Variants in BST1 observed in about 807,000 individuals in gnomAD.
BST1 encodes the protein bone marrow stromal cell antigen 1.
A neutral mutation model predicts 40.6 loss-of-function variants in BST1; 49 were observed. That is an observed-to-expected ratio of 1.21 (90% CI 0.96 to 1.53). The LOEUF (loss-of-function observed/expected upper bound fraction) is 1.53. BST1 is among the 40% of genes most tolerant of loss of function. The pLI is 0.00. For missense variants in BST1, 423 were observed against 395.9 expected (o/e 1.07, Z -0.58); for synonymous variants, 157 against 159.3 (o/e 0.99, Z 0.11).
chr4:15,719,172 C>CT (rs1720670627), intron 7 of BST1, among the ~76,000 whole-genome samples, 179 bp downstream of exon 7: 1 of 152,116 alleles, frequency 6.6e-6, no homozygotes, highest in African/African-American at 2.4e-5. Context: ...GCCCCACCCA[C>CT]TGCTGTCCAG....
the BST1 span, among the ~76,000 whole-genome samples, chr4:15,747,050 A>G: frequency 6.6e-6 from 1 of 152,100 alleles, no homozygotes; most frequent in Non-Finnish European, 1.5e-5. Flanking sequence ...GAGAATCACT[A>G]TGTTATATGC....
At chr4:15,712,121 A>G (rs1459769195) in intron 4 of BST1, among the ~76,000 whole-genome samples, 2 of 152,228 alleles carry the variant, frequency 1.3e-5, no homozygotes, top group African/African-American at 2.4e-5. Context: ...AATGTTAGCT[A>G]TACATGAGGG....
At chr4:15,733,772 G>A (rs1442561496), downstream of BST1, among the ~76,000 whole-genome samples, 5 of 152,146 alleles carry the variant, frequency 3.3e-5, no homozygotes, top group African/African-American at 9.7e-5. Context: ...TAAACCATCC[G>A]AAACCACCTC....
intron 1 of BST1, 102 bp from the exon 2 acceptor site, chr4:15,705,413 T>C: frequency 3.0e-6 from 4 of 1,326,344 alleles, no homozygotes; most frequent in Non-Finnish European, 2.1e-6. Flanking sequence ...CTGCAGTTAC[T>C]ATATGAAAAA....
At chr4:15,725,436 G>A (rs998071425) in intron 8 of BST1, among the ~76,000 whole-genome samples, 11 of 152,114 alleles carry the variant, frequency 7.2e-5, no homozygotes, top group African/African-American at 1.2e-4. Flanking sequence ...GGCATGCATC[G>A]TTTCTGAGTC....
chr4:15,752,569 G>A, the BST1 span, among the ~76,000 whole-genome samples: 2 of 151,910 alleles, frequency 1.3e-5, no homozygotes, highest in Non-Finnish European at 2.9e-5. Flanking sequence ...TGTATTTTTA[G>A]TAGAGACACG....
intron 6 of BST1, among the ~76,000 whole-genome samples, chr4:15,716,427 A>C (rs4326008): frequency 0.83 from 126,767 of 152,166 alleles, 53,131 homozygotes; most frequent in East Asian, 0.97. Context: ...CATGATGGAG[A>C]TTCAGAAGCA....
chr4:15,704,343 A>G (rs1268581749), intron 1 of BST1, among the ~76,000 whole-genome samples: 1 of 139,516 alleles, frequency 7.2e-6, no homozygotes, highest in Non-Finnish European at 1.5e-5. Flanking sequence ...TGTGTTCTAG[A>G]GATGATGGGT....
intron 2 of BST1, 108 bp from the exon 3 acceptor site, chr4:15,707,403 C>T (rs1719938068): frequency 7.9e-7 from 1 of 1,268,938 alleles, no homozygotes; most frequent in Non-Finnish European, 1.1e-6. Context: ...TGCAGCAGGT[C>T]AGAGTTGAAT....
chr4:15,718,832 A>G (rs891826770), intron 6 of BST1, 75 bp from the exon 7 acceptor site: 5 of 1,276,050 alleles, frequency 3.9e-6, no homozygotes, highest in Non-Finnish European at 4.4e-6. Context: ...AAAAGAAATT[A>G]TGTTTAACCC....
chr4:15,750,263 G>A, the BST1 span, among the ~76,000 whole-genome samples: 1 of 152,126 alleles, frequency 6.6e-6, no homozygotes, highest in South Asian at 2.1e-4. Context: ...GACCTCAGGT[G>A]ATTCACCAGC....
chr4:15,741,259 G>C (rs1404106458), downstream of BST1, among the ~76,000 whole-genome samples: 1 of 152,116 alleles, frequency 6.6e-6, no homozygotes, highest in African/African-American at 2.4e-5. Flanking sequence ...CAGCTAGAGT[G>C]GACAGGCCAG....
At chr4:15,706,433 G>A (rs1327967154) in intron 2 of BST1, among the ~76,000 whole-genome samples, 1 of 152,148 alleles carries the variant, frequency 6.6e-6, no homozygotes, top group Non-Finnish European at 1.5e-5. Context: ...CATTTAACGG[G>A]TCTTAAGATT....
the BST1 span, among the ~76,000 whole-genome samples, chr4:15,764,874 G>GTGTGTGTGTGTGTGTGTGTGTA: frequency 1.2e-5 from 1 of 82,314 alleles, no homozygotes; most frequent in Non-Finnish European, 2.7e-5. Flanking sequence ...ATTAGGTGAG[G>GTGTGTGTGTGTGTGTGTGTGTA]TGTGTGTGTG....
At chr4:15,733,926 C>T (rs908115397), downstream of BST1, among the ~76,000 whole-genome samples, 11 of 152,100 alleles carry the variant, frequency 7.2e-5, no homozygotes, top group African/African-American at 2.4e-4. Flanking sequence ...GAGTATCATT[C>T]AACAAGTAAA....
chr4:15,724,683 T>C (rs957250225), intron 8 of BST1, among the ~76,000 whole-genome samples: 4 of 149,904 alleles, frequency 2.7e-5, no homozygotes, highest in African/African-American at 7.5e-5. Context: ...TGAAACTCCA[T>C]CTCAAAAAAT....
chr4:15,707,405 G>T, intron 2 of BST1, 106 bp from the exon 3 acceptor site: 2 of 1,292,914 alleles, frequency 1.5e-6, no homozygotes, highest in South Asian at 2.4e-5. Context: ...CAGCAGGTCA[G>T]AGTTGAATGA....
chr4:15,761,515 G>C, the BST1 span, among the ~76,000 whole-genome samples: 1 of 151,992 alleles, frequency 6.6e-6, no homozygotes, highest in African/African-American at 2.4e-5. Flanking sequence ...CTTCCTGTCT[G>C]TTGCTAGCTT....
chr4:15,705,442 G>C, intron 1 of BST1, 73 bp from the exon 2 acceptor site: 5 of 1,477,464 alleles, frequency 3.4e-6, no homozygotes, highest in Non-Finnish European at 4.5e-6. Flanking sequence ...AAAGCTCTTA[G>C]ACAAATGGGC....
Sources: allele counts gnomAD v4.1 joint callset (sites outside exome capture counted in the v4.1 genomes callset), GRCh38; gene constraint gnomAD v4.1.1; transcripts MANE v1.5; gene names NCBI Gene and HGNC (gene_info 2026-07-23, HGNC 2026-07-21).